PKP4: variants seen among roughly 807,000 people sequenced by gnomAD.
PKP4 encodes plakophilin-4.
PKP4 carries 90 observed loss-of-function variants against 145.1 expected under a neutral mutation model. The ratio of observed to expected loss-of-function variants is 0.62; its 90% CI spans 0.52 to 0.74. PKP4 has a LOEUF of 0.74. Ranked by LOEUF, PKP4 falls within the 30% of genes least tolerant of loss-of-function variation. The pLI, the probability that PKP4 is intolerant of heterozygous loss-of-function variation, is 0.00. For missense variants in PKP4, 1,340 were observed against 1,482.7 expected (o/e 0.90, Z 1.58); for synonymous variants, 563 against 577.2 (o/e 0.98, Z 0.35).
rs889677373 is a variant in PKP4 at position 158,680,759 on chromosome 2, A to G, written c.*82A>G. The stretch of plus-strand genomic sequence containing the variant: ...AAAAGTCCATCTTGCTGATTTGATG[A>G]TTGAAATGTGAAAGTGAAGTGGAAG... On this transcript the variant is annotated 3_prime_UTR_variant, in exon 22 of 22. Coordinates refer to ENST00000389759, the MANE Select transcript of PKP4 (RefSeq NM_003628.6). The G allele has an allele frequency of 2.4e-6, 3 of 1,247,782 alleles. No homozygotes were observed. The African/African-American group carries it at 4.5e-5, about 19-fold the overall frequency. 77.3% of individuals were successfully genotyped at this position (1,247,782 alleles called of 1,614,324 possible). A position where few individuals can be genotyped will look rare whatever the true frequency, so the allele number is the denominator to read the frequency against.
intron 1 of PKP4, among the ~76,000 whole-genome samples, chr2:158,507,452 C>T (rs1019614875): frequency 2.0e-5 from 3 of 152,154 alleles, no homozygotes; most frequent in Non-Finnish European, 2.9e-5. Flanking sequence ...AACCAGGACT[C>T]GGTCATGGCA....
At chr2:158,620,355 T>C (rs2052092384) in intron 4 of PKP4, among the ~76,000 whole-genome samples, 1 of 152,094 alleles carries the variant, frequency 6.6e-6, no homozygotes, top group Non-Finnish European at 1.5e-5. Flanking sequence ...ATGGTACTGT[T>C]AAATTAAAGC....
At chr2:158,468,105 T>C (rs980094199) in intron 1 of PKP4, among the ~76,000 whole-genome samples, 3 of 152,254 alleles carry the variant, frequency 2.0e-5, no homozygotes, top group African/African-American at 7.2e-5. Flanking sequence ...CAGTTTAGCA[T>C]AAGTATACTT....
At chr2:158,669,948 T>C in intron 17 of PKP4, 33 bp downstream of exon 17, 2 of 1,547,890 alleles carry the variant, frequency 1.3e-6, no homozygotes, top group Admixed American at 3.6e-5. Flanking sequence ...CAAGCAGTGC[T>C]CTTATTCCTG....
chr2:158,511,624 T>C (rs893963254), intron 1 of PKP4, among the ~76,000 whole-genome samples: 2 of 152,174 alleles, frequency 1.3e-5, no homozygotes, highest in African/African-American at 2.4e-5. Context: ...CCTGACTTAA[T>C]TTCCTTCTAG....
intron 4 of PKP4, among the ~76,000 whole-genome samples, chr2:158,620,299 A>G (rs1301305226): frequency 2.0e-5 from 3 of 152,212 alleles, no homozygotes; most frequent in Non-Finnish European, 2.9e-5. Context: ...GGCATAAAAA[A>G]CAGAAGTTTG....
chr2:158,653,439 TTTATTCATTCTTTGTG>T (rs570619095), intron 11 of PKP4, among the ~76,000 whole-genome samples: 135 of 152,336 alleles, frequency 8.9e-4, no homozygotes, highest in African/African-American at 3.1e-3. Flanking sequence ...TTTTAATTAC[TTTATTCATTCTTTGTG>T]AGGAAAATGA....
chr2:158,663,470 A>G (rs186421927), intron 15 of PKP4, 25 bp downstream of exon 15: 2 of 1,586,376 alleles, frequency 1.3e-6, no homozygotes, highest in Non-Finnish European at 1.7e-6. Flanking sequence ...ACTTATCTAC[A>G]CTTCTTTCCA....
At chr2:158,470,690 A>C (rs1691428592) in intron 1 of PKP4, among the ~76,000 whole-genome samples, 1 of 152,216 alleles carries the variant, frequency 6.6e-6, no homozygotes, top group South Asian at 2.1e-4. Context: ...AGTAAGAAGA[A>C]CTGAGTTAAA....
chr2:158,457,175 T>A lies in PKP4; in HGVS notation c.-49T>A, dbSNP rs1377844505. On this transcript the variant is annotated 5_prime_UTR_variant, in exon 1 of 22. Coordinates refer to ENST00000389759, the MANE Select transcript of PKP4 (RefSeq NM_003628.6). Reference sequence around the variant, plus strand: ...CAGCGGCGACCCCTCGGCGCCGATGTCCCTGATCCCTGGAGCGACGACGGC... The same window carrying A: ...CAGCGGCGACCCCTCGGCGCCGATGACCCTGATCCCTGGAGCGACGACGGC... 1 of 151,056 alleles carries A rather than the reference T, an allele frequency of 6.6e-6. No individual in the cohort carries two copies. The highest frequency in any genetic ancestry group is 1.5e-5 in the Non-Finnish European group (1 of 67,748). The allele number at this position is 151,056 out of a possible 1,614,324, so 9.4% of individuals were successfully genotyped here.
chr2:158,601,938 A>G (rs2050267682), intron 3 of PKP4, among the ~76,000 whole-genome samples: 1 of 152,210 alleles, frequency 6.6e-6, no homozygotes, highest in Non-Finnish European at 1.5e-5. Flanking sequence ...ATTTGGCAGA[A>G]TGTTTCCTTA....
chr2:158,553,722 A>G (rs2045831469), intron 2 of PKP4, among the ~76,000 whole-genome samples: 1 of 152,072 alleles, frequency 6.6e-6, no homozygotes, highest in African/African-American at 2.4e-5. Context: ...TCCTTTTGGA[A>G]TGGGAGTGTC....
chr2:158,622,794 G>A (rs1451185564), intron 6 of PKP4, among the ~76,000 whole-genome samples: 4 of 152,208 alleles, frequency 2.6e-5, no homozygotes, highest in African/African-American at 9.6e-5. Flanking sequence ...TTCTTTTGCT[G>A]TTGGGGATGC....
At chr2:158,543,887 A>C (rs917737634) in intron 2 of PKP4, among the ~76,000 whole-genome samples, 3 of 152,198 alleles carry the variant, frequency 2.0e-5, no homozygotes, top group African/African-American at 7.2e-5. Flanking sequence ...ATTAGTGTTC[A>C]CTGAGCACTT....
At chr2:158,504,025 C>T (rs994596142) in intron 1 of PKP4, among the ~76,000 whole-genome samples, 6 of 123,794 alleles carry the variant, frequency 4.8e-5, no homozygotes, top group Admixed American at 9.8e-5. Flanking sequence ...ACATAGAAAA[C>T]GTTTGCCATA....
At position 158,631,858 on chromosome 2, in the gene PKP4, A is replaced by C; in HGVS notation, c.1259A>C (p.Tyr420Ser). The change falls in exon 8 of 22, where the codon TAT (tyrosine) becomes TCT (serine). Residue 420 changes from tyrosine to serine, a missense_variant. Tyr to Ser is a moderately radical substitution (Grantham distance 144, BLOSUM62 -2). Transcript: ENST00000389759. ...HITPIYEGRT[Y>S]YSPVYRSPNH... is the part of the protein sequence containing the mutation. ...ACTCCTATATATGAGGGGAGGACCT[A>C]TTACAGCCCAGTGTACCGCAGCCCA... 6.2e-7 allele frequency: 1 copy of C among 1,614,128 alleles called. No individual in the cohort carries two copies. The highest frequency in any genetic ancestry group is 1.1e-5 in the South Asian group (1 of 91,072).
At chr2:158,672,207 G>A (rs528678571) in intron 17 of PKP4, among the ~76,000 whole-genome samples, 19 of 152,302 alleles carry the variant, frequency 1.2e-4, no homozygotes, top group African/African-American at 3.4e-4. Flanking sequence ...CTTGACCTTC[G>A]GATGTAACAA....
intron 15 of PKP4, chr2:158,665,743 G>T (rs2057024380): frequency 6.6e-6 from 1 of 152,200 alleles, no homozygotes; most frequent in Admixed American, 6.5e-5. Context: ...GTACAGAGTT[G>T]CTTCATAGTC....
chr2:158,559,611 C>T (rs1241642908), intron 2 of PKP4, among the ~76,000 whole-genome samples: 1 of 152,086 alleles, frequency 6.6e-6, no homozygotes, highest in African/African-American at 2.4e-5. Flanking sequence ...GGACAGAAGA[C>T]AGTTATGGAA....
Sources: gnomAD v4.1 joint callset for allele counts (sites outside exome capture counted in the v4.1 genomes callset) on GRCh38, gnomAD v4.1.1 for gene constraint, MANE v1.5 for transcripts, NCBI Gene and HGNC (gene_info 2026-07-23, HGNC 2026-07-21) for gene names.